The following CBFA2T3 variants were observed in gnomAD, a reference collection of about 807,000 sequenced individuals.
CBFA2T3 encodes transcriptional corepressor CBFA2T3.
Under a neutral mutation model 58.6 loss-of-function variants are expected in CBFA2T3, and 31 were observed. The observed-to-expected ratio is 0.53, with a 90% CI of 0.40 to 0.71. The LOEUF is 0.71. Ranked by LOEUF, CBFA2T3 falls within the 30% of genes least tolerant of loss-of-function variation. The pLI is 0.00. For synonymous variants in CBFA2T3, 531 were observed against 421.9 expected (o/e 1.26, Z -3.17); for missense variants, 1,076 against 963.1 (o/e 1.12, Z -1.55).
chr16:88,892,671 G>A (rs569614500), intron 3 of CBFA2T3, among the ~76,000 whole-genome samples, 186 bp from the exon 4 acceptor site: 12 of 152,330 alleles, frequency 7.9e-5, no homozygotes, highest in African/African-American at 2.9e-4. Flanking sequence ...GGGCAGCTGA[G>A]CTGGCCCTTA....
At chr16:88,912,977 C>T (rs551248665) in intron 1 of CBFA2T3, among the ~76,000 whole-genome samples, 2 of 152,358 alleles carry the variant, frequency 1.3e-5, no homozygotes, top group East Asian at 3.9e-4. Flanking sequence ...ATTCAGGGCC[C>T]TCTCCCCCAA....
intron 1 of CBFA2T3, among the ~76,000 whole-genome samples, chr16:88,948,678 C>T (rs934258309): frequency 2.0e-5 from 3 of 152,322 alleles, no homozygotes; most frequent in South Asian, 2.1e-4. Context: ...GCTTCATTCA[C>T]GTATTCATTT....
At position 88,875,117 on chromosome 16, in the gene CBFA2T3, A is replaced by ACAGATGCCAGGCCACGGGCCACGCCACG. The variant is rs1567568467; in HGVS notation, c.*1858_*1859insCGTGGCGTGGCCCGTGGCCTGGCATCTG. The ACAGATGCCAGGCCACGGGCCACGCCACG allele has an allele frequency of 4.6e-6, 1 of 216,826 alleles. No individual in the cohort carries two copies. Among genetic ancestry groups the ACAGATGCCAGGCCACGGGCCACGCCACG allele is most frequent in the Non-Finnish European group, 9.0e-6 (1 of 111,520 alleles). 13.4% of individuals were successfully genotyped at this position (216,826 alleles called of 1,614,324 possible). On this transcript the variant is annotated 3_prime_UTR_variant, in exon 12 of 12. Coordinates refer to ENST00000268679, the MANE Select transcript of CBFA2T3 (RefSeq NM_005187.6). Reference sequence around the variant, plus strand: ...GATGCCAGGCCACGGGCCACGCCACACACACAGATGCCAGGCCACGGGCCA... The same window carrying ACAGATGCCAGGCCACGGGCCACGCCACG: ...GATGCCAGGCCACGGGCCACGCCACACAGATGCCAGGCCACGGGCCACGCCACGCACACAGATGCCAGGCCACGGGCCA...
At chr16:88,917,088 A>T (rs995337693) in intron 1 of CBFA2T3, among the ~76,000 whole-genome samples, 3 of 150,720 alleles carry the variant, frequency 2.0e-5, no homozygotes, top group African/African-American at 7.3e-5. Flanking sequence ...AAAAAAAAGG[A>T]AAAAAAGAAA....
intron 1 of CBFA2T3, among the ~76,000 whole-genome samples, chr16:88,951,789 C>T (rs1337319861): frequency 6.6e-6 from 1 of 152,168 alleles, no homozygotes; most frequent in Admixed American, 6.5e-5. Context: ...CTTTGATCTG[C>T]GTGGGAGGCA....
Position 88,876,731 on chromosome 16 carries a change from CAGG to C in CBFA2T3, c.*242_*244del, listed in dbSNP as rs1320574956. On this transcript the variant is annotated 3_prime_UTR_variant, in exon 12 of 12. Coordinates refer to ENST00000268679, the MANE Select transcript of CBFA2T3 (RefSeq NM_005187.6). The stretch of plus-strand genomic sequence containing the variant: ...CTGAGGATGCTTGAAGAGACGTTGT[CAGG>C]AGGTCTCCGCGCGGAATCATTAGGT... The C allele has an allele frequency of 4.4e-6, 2 of 453,748 alleles. No individual in the cohort carries two copies. Among genetic ancestry groups the C allele is most frequent in the Non-Finnish European group, 7.7e-6 (2 of 260,098 alleles). The allele number at this position is 453,748 out of a possible 1,614,324, so 28.1% of individuals were successfully genotyped here. A position where few individuals can be genotyped will look rare whatever the true frequency, so the allele number is the denominator to read the frequency against.
chr16:88,942,765 CT>C (rs1971786399), intron 1 of CBFA2T3, among the ~76,000 whole-genome samples: 1 of 152,210 alleles, frequency 6.6e-6, no homozygotes, highest in Admixed American at 6.5e-5. Context: ...CGCCAAGCAC[CT>C]TCATTCTCCT....
chr16:88,973,748 A>T (rs930091789), intron 1 of CBFA2T3, among the ~76,000 whole-genome samples: 25 of 152,178 alleles, frequency 1.6e-4, no homozygotes, highest in Non-Finnish European at 5.9e-5. Context: ...CCCAAGGGCA[A>T]GGTCGGGTAG....
At chr16:88,907,219 A>T (rs796468938) in intron 1 of CBFA2T3, among the ~76,000 whole-genome samples, 1 of 152,232 alleles carries the variant, frequency 6.6e-6, no homozygotes, top group African/African-American at 2.4e-5. Flanking sequence ...AGAAGAAAGC[A>T]TGGAATTTGG....
Position 88,881,280 on chromosome 16 carries a change from C to G in CBFA2T3, c.1402+11G>C. Reference sequence around the variant, plus strand: ...CCGTGTCTGCTCCCTCCCCCCACACCCCACACGCACCTAGCTGAGGCCCTT... The same window carrying G: ...CCGTGTCTGCTCCCTCCCCCCACACGCCACACGCACCTAGCTGAGGCCCTT... On this transcript the variant is annotated intron_variant, in intron 9 of 11. Coordinates refer to ENST00000268679, the MANE Select transcript of CBFA2T3 (RefSeq NM_005187.6). The G allele has an allele frequency of 6.3e-7, 1 of 1,594,208 alleles. No homozygotes were observed. The highest frequency in any genetic ancestry group is 2.2e-5 in the East Asian group (1 of 44,594).
At chr16:88,951,842 C>T (rs1280141926) in intron 1 of CBFA2T3, among the ~76,000 whole-genome samples, 1 of 152,220 alleles carries the variant, frequency 6.6e-6, no homozygotes, top group African/African-American at 2.4e-5. Flanking sequence ...AGAAGGTGGG[C>T]AGAGCGGCGG....
chr16:88,934,896 C>T (rs578149820), intron 1 of CBFA2T3, among the ~76,000 whole-genome samples: 25 of 152,342 alleles, frequency 1.6e-4, no homozygotes, highest in East Asian at 1.2e-3. Context: ...CCCGCCACCA[C>T]GCCCGGCTAA....
In CBFA2T3 at chr16:88,877,282, G is replaced by T; in HGVS notation, c.1663-7C>A. 1.3e-6 allele frequency: 2 copies of T among 1,538,578 alleles called. No homozygotes were observed. The highest frequency in any genetic ancestry group is 2.5e-5 in the East Asian group (1 of 40,514). On this transcript the variant is annotated splice_polypyrimidine_tract_variant and splice_region_variant and intron_variant, in intron 11 of 11. Coordinates refer to ENST00000268679, the MANE Select transcript of CBFA2T3 (RefSeq NM_005187.6). ...GCCCGCAGTTCCAGCAGCTCTGGGT[G>T]GGGGCAGAGGGGCCAGTCAGGGCTG...
intron 1 of CBFA2T3, among the ~76,000 whole-genome samples, chr16:88,968,458 C>T (rs1972568812): frequency 6.6e-6 from 1 of 152,236 alleles, no homozygotes; most frequent in Non-Finnish European, 1.5e-5. Flanking sequence ...AGAGCCAGGC[C>T]CAGCCTCAGC....
intron 5 of CBFA2T3, chr16:88,886,489 G>A (rs956231348): frequency 9.1e-6 from 2 of 220,386 alleles, no homozygotes; most frequent in Non-Finnish European, 9.0e-6. Context: ...AGGACGAAGG[G>A]GCAGCAGATC....
chr16:88,884,929 A>G (rs1969295982), intron 7 of CBFA2T3, 117 bp downstream of exon 7: 1 of 731,636 alleles, frequency 1.4e-6, no homozygotes, highest in Non-Finnish European at 2.2e-6. Context: ...GGGTCTCCCG[A>G]GCTCAGGTGC....
At chr16:88,880,523 C>T (rs1482130571) in intron 10 of CBFA2T3, among the ~76,000 whole-genome samples, 197 bp downstream of exon 10, 2 of 152,228 alleles carry the variant, frequency 1.3e-5, no homozygotes, top group Non-Finnish European at 2.9e-5. Context: ...TCCTGGTAGG[C>T]GCAGGTAGCA....
intron 8 of CBFA2T3, 143 bp downstream of exon 8, chr16:88,882,533 T>C (rs1021770319): frequency 3.1e-5 from 20 of 640,082 alleles, no homozygotes; most frequent in African/African-American, 2.3e-4. Context: ...TGTGTGGGCA[T>C]GGCTGTGTGC....
chr16:88,906,773 C>T (rs1970352711), intron 1 of CBFA2T3, among the ~76,000 whole-genome samples: 1 of 152,304 alleles, frequency 6.6e-6, no homozygotes, highest in East Asian at 1.9e-4. Context: ...GTGACTTGTT[C>T]TGGGTCTCAG....
Sources: gnomAD v4.1 joint callset for allele counts (sites outside exome capture counted in the v4.1 genomes callset) on GRCh38, gnomAD v4.1.1 for gene constraint, MANE v1.5 for transcripts, NCBI Gene and HGNC (gene_info 2026-07-23, HGNC 2026-07-21) for gene names.